Variants in STXBP5L observed in about 807,000 individuals in gnomAD.
STXBP5L encodes the protein syntaxin binding protein 5L.
A neutral mutation model predicts 144.5 loss-of-function variants in STXBP5L; 65 were observed. The observed-to-expected ratio is 0.45, with a 90% CI of 0.37 to 0.55. The LOEUF (loss-of-function observed/expected upper bound fraction) is 0.55, where lower values mean the gene tolerates loss of function less well. Among genes scored for constraint, STXBP5L ranks in the 20% least tolerant of loss-of-function variants. The pLI, the probability that STXBP5L is intolerant of heterozygous loss-of-function variation, is 0.00. For synonymous variants in STXBP5L, 505 were observed against 469.6 expected (o/e 1.08, Z -0.97); for missense variants, 1,298 against 1,405.5 (o/e 0.92, Z 1.22).
chr3:121,263,342 G>A (rs1474890536), intron 18 of STXBP5L, among the ~76,000 whole-genome samples: 1 of 152,124 alleles, frequency 6.6e-6, no homozygotes, highest in East Asian at 1.9e-4. Flanking sequence ...ACCAAAAGTA[G>A]ATGAATCCAC....
intron 21 of STXBP5L, 70 bp from the exon 22 acceptor site, chr3:121,381,223 A>G (rs940157120): frequency 2.8e-6 from 4 of 1,413,998 alleles, no homozygotes; most frequent in Non-Finnish European, 3.8e-6. Flanking sequence ...TGATTTATAT[A>G]TATTAAATCT....
At chr3:121,143,224 G>A (rs538216125) in intron 7 of STXBP5L, among the ~76,000 whole-genome samples, 2 of 150,280 alleles carry the variant, frequency 1.3e-5, no homozygotes, top group Admixed American at 6.6e-5. Context: ...TTTTAACGAG[G>A]AAAAGCTCAG....
At chr3:121,398,950 C>T (rs114899187) in intron 22 of STXBP5L, among the ~76,000 whole-genome samples, 14,186 of 152,052 alleles carry the variant, frequency 0.093, 943 homozygotes, top group African/African-American at 0.18. Context: ...AGGCACTGCT[C>T]GAACAGACAC....
intron 12 of STXBP5L, 38 bp from the exon 13 acceptor site, chr3:121,238,933 T>C: frequency 1.4e-6 from 2 of 1,476,048 alleles, no homozygotes; most frequent in Non-Finnish European, 9.1e-7. Flanking sequence ...GTTTTTTTCT[T>C]TGTAAAATAA....
At chr3:121,152,910 G>A (rs1047534215) in intron 8 of STXBP5L, among the ~76,000 whole-genome samples, 5 of 151,992 alleles carry the variant, frequency 3.3e-5, no homozygotes, top group Admixed American at 1.3e-4. Flanking sequence ...TCCATGCTAC[G>A]TTGTGCCTCA....
intron 9 of STXBP5L, among the ~76,000 whole-genome samples, chr3:121,179,674 A>T (rs2047065705): frequency 1.3e-5 from 2 of 152,174 alleles, no homozygotes; most frequent in Admixed American, 1.3e-4. Flanking sequence ...GAACTTAAAG[A>T]AATTAAAAAA....
At chr3:121,254,622 A>C (rs1271677541) in intron 15 of STXBP5L, among the ~76,000 whole-genome samples, 4 of 152,186 alleles carry the variant, frequency 2.6e-5, no homozygotes, top group African/African-American at 4.8e-5. Flanking sequence ...TACTTCCTTC[A>C]TGAGACTTTT....
rs151112733 is a variant in STXBP5L at position 121,268,182 on chromosome 3, G to C, written c.1958+9014G>C. On this transcript the variant is annotated intron_variant, in intron 18 of 26. Coordinates refer to ENST00000471454, the MANE Select transcript of STXBP5L (RefSeq NM_001308330.2). The stretch of plus-strand genomic sequence containing the variant: ...CGAAATGCCCTTCAATGATAGACTG[G>C]ATAAAGAAAATGTGGCACATATACA... Among the ~76,000 whole-genome samples the C allele has an allele frequency of 2.9e-3, 435 of 152,248 alleles. 4 individuals carry two copies. The highest frequency in any genetic ancestry group is 5.4e-3 in the South Asian group (26 of 4,822).
intron 7 of STXBP5L, among the ~76,000 whole-genome samples, chr3:121,150,318 T>C (rs779673051): frequency 6.6e-5 from 10 of 152,072 alleles, no homozygotes; most frequent in Non-Finnish European, 1.3e-4. Flanking sequence ...ATATATAATT[T>C]GTGGTTTGGG....
intron 22 of STXBP5L, among the ~76,000 whole-genome samples, chr3:121,390,224 G>C (rs1436676048): frequency 2.6e-5 from 4 of 151,452 alleles, no homozygotes; most frequent in African/African-American, 9.7e-5. Context: ...CTCTTTTTTT[G>C]CTTTCTATTT....
intron 3 of STXBP5L, among the ~76,000 whole-genome samples, chr3:120,977,390 T>G (rs535466793): frequency 6.6e-6 from 1 of 152,184 alleles, no homozygotes. Flanking sequence ...TTGTTTTCCA[T>G]TTGCTTGTAG....
chr3:120,951,995 G>A (rs1288535058), intron 2 of STXBP5L, among the ~76,000 whole-genome samples: 1 of 151,718 alleles, frequency 6.6e-6, no homozygotes, highest in Non-Finnish European at 1.5e-5. Context: ...ATGAGTTCAT[G>A]TCCTTTGTAG....
chr3:121,169,314 G>T (rs138726245), intron 9 of STXBP5L, among the ~76,000 whole-genome samples: 1 of 152,132 alleles, frequency 6.6e-6, no homozygotes, highest in Non-Finnish European at 1.5e-5. Context: ...GCGTCATAAA[G>T]ACAGGATCAA....
intron 22 of STXBP5L, among the ~76,000 whole-genome samples, chr3:121,395,873 C>A (rs932900906): frequency 6.6e-6 from 1 of 152,166 alleles, no homozygotes. Context: ...CAGTTGGGGT[C>A]CTCCTCAGCG....
Position 121,420,903 on chromosome 3 carries a change from T to C in STXBP5L, c.*1806T>C, listed in dbSNP as rs552055556. 3 of 152,230 alleles carry C rather than the reference T, an allele frequency of 2.0e-5. No individual in the cohort carries two copies. The highest frequency in any genetic ancestry group is 7.2e-5 in the African/African-American group (3 of 41,548). The allele number at this position is 152,230 out of a possible 1,614,324, so 9.4% of individuals were successfully genotyped here. ...GGAGAACAAAGATGAGTGAAAGAGT[T>C]AGATAATGTACACTAGGATAGCATT... On this transcript the variant is annotated 3_prime_UTR_variant, in exon 27 of 27. Transcript: ENST00000471454.
At chr3:121,025,008 A>G (rs182139565) in intron 3 of STXBP5L, among the ~76,000 whole-genome samples, 2,513 of 152,216 alleles carry the variant, frequency 0.017, 64 homozygotes, top group African/African-American at 0.057. Context: ...GGTCTCCAAA[A>G]CTAGGTGGCA....
chr3:121,132,351 A>G lies in STXBP5L; in HGVS notation c.669+10647A>G, dbSNP rs578063689. ...GTCCTGAAGCTCTGATGGGTCTGGA[A>G]CATCTAGCTACCTGGGGAGAACCAA... On this transcript the variant is annotated intron_variant, in intron 7 of 26. Coordinates refer to ENST00000471454, the MANE Select transcript of STXBP5L (RefSeq NM_001308330.2). Among the ~76,000 whole-genome samples, 8 of 152,332 alleles carry G rather than the reference A, an allele frequency of 5.3e-5. No homozygotes were observed. In the South Asian group the frequency reaches 1.7e-3, roughly 32 times the overall value.
intron 5 of STXBP5L, among the ~76,000 whole-genome samples, 179 bp from the exon 6 acceptor site, chr3:121,114,746 G>A (rs572838384): frequency 6.6e-4 from 100 of 152,108 alleles, no homozygotes; most frequent in African/African-American, 2.4e-3. Flanking sequence ...TAACATTATT[G>A]TTTTTAACGC....
chr3:120,991,474 T>A (rs1313171062), intron 3 of STXBP5L, among the ~76,000 whole-genome samples: 2 of 152,190 alleles, frequency 1.3e-5, no homozygotes, highest in African/African-American at 4.8e-5. Context: ...AGCCATCCCA[T>A]TACTGGGTAT....
Sources: gnomAD v4.1 joint callset for allele counts (sites outside exome capture counted in the v4.1 genomes callset) on GRCh38, gnomAD v4.1.1 for gene constraint, MANE v1.5 for transcripts, NCBI Gene and HGNC (gene_info 2026-07-23, HGNC 2026-07-21) for gene names.